Variants in HS3ST2 observed in about 807,000 individuals in gnomAD.
HS3ST2 encodes heparan sulfate glucosamine 3-O-sulfotransferase 2.
In HS3ST2, 17 loss-of-function variants were observed where a neutral mutation model predicts 26.3. The observed-to-expected ratio is 0.65, with a 90% confidence interval of 0.44 to 0.97. HS3ST2 has a LOEUF of 0.97. Ranked by LOEUF, HS3ST2 falls within the 50% of genes least tolerant of loss-of-function variation. HS3ST2 has a pLI of 0.00. For synonymous variants in HS3ST2, 237 were observed against 219.2 expected (o/e 1.08, Z -0.72); for missense variants, 402 against 501.2 (o/e 0.80, Z 1.89).
chr16:22,817,489 G>C (rs1194552849), intron 1 of HS3ST2, among the ~76,000 whole-genome samples: 1 of 152,190 alleles, frequency 6.6e-6, no homozygotes, highest in Non-Finnish European at 1.5e-5. Context: ...TGTATGTAAA[G>C]AACATTTTTG....
intron 1 of HS3ST2, among the ~76,000 whole-genome samples, chr16:22,888,828 C>A (rs1047319220): frequency 2.0e-5 from 3 of 152,188 alleles, no homozygotes; most frequent in Admixed American, 6.5e-5. Context: ...AACTGAGGCA[C>A]TCTTGCACTC....
chr16:22,814,921 C>A lies in HS3ST2; in HGVS notation c.311C>A (p.Ser104Tyr). Residue 104 changes from serine (S) to tyrosine (Y), a missense_variant, in exon 1 of 2, where the codon TCC (serine) becomes TAC (tyrosine). Around this residue, in one of 2 missense-constraint regions of HS3ST2, gnomAD observed 165 missense variants for 154.6 expected, o/e 1.07. Coordinates refer to ENST00000261374, the MANE Select transcript of HS3ST2 (RefSeq NM_006043.2). ...PAPRLSGSNH[S>Y]GSPKLGTKRL... is the part of the protein sequence containing the mutation. Reference sequence around the variant, plus strand: ...CCTCGCCTCTCCGGTTCCAACCACTCCGGCTCACCCAAGCTGGGTACCAAG... The same window carrying A: ...CCTCGCCTCTCCGGTTCCAACCACTACGGCTCACCCAAGCTGGGTACCAAG... 1 of 1,600,194 alleles carries A rather than the reference C, an allele frequency of 6.2e-7. No homozygotes were observed. Among genetic ancestry groups the A allele is most frequent in the Non-Finnish European group, 8.5e-7 (1 of 1,174,012 alleles).
intron 1 of HS3ST2, among the ~76,000 whole-genome samples, chr16:22,875,473 C>T (rs1222190099): frequency 2.6e-5 from 4 of 152,046 alleles, no homozygotes; most frequent in African/African-American, 9.7e-5. Context: ...TTCCACCTCC[C>T]GGGTTCAAGT....
At position 22,872,655 on chromosome 16, in the gene HS3ST2, C is replaced by T. The variant is rs113994516; in HGVS notation, c.486-42289C>T. ...ACTCATCTGTTACCTGCCTGGCCCA[C>T]GTAAGTACCTCAACCAGCAACTCTG... is the stretch of plus-strand genomic sequence containing the variant. On this transcript the variant is annotated intron_variant, in intron 1 of 1. Coordinates refer to ENST00000261374, the MANE Select transcript of HS3ST2 (RefSeq NM_006043.2). Among the ~76,000 whole-genome samples the T allele has an allele frequency of 2.7e-3, 412 of 152,222 alleles. 2 individuals are homozygous for T. Among genetic ancestry groups the T allele is most frequent in the African/African-American group, 8.8e-3 (365 of 41,556 alleles).
intron 1 of HS3ST2, among the ~76,000 whole-genome samples, chr16:22,859,859 G>A (rs1030542250): frequency 6.6e-6 from 1 of 152,186 alleles, no homozygotes; most frequent in African/African-American, 2.4e-5. Context: ...GGGGATTTCT[G>A]ACTTGGGCAT....
At chr16:22,862,580 T>A (rs1427192163) in intron 1 of HS3ST2, among the ~76,000 whole-genome samples, 2 of 152,226 alleles carry the variant, frequency 1.3e-5, no homozygotes, top group Non-Finnish European at 2.9e-5. Flanking sequence ...CTGTAGCTTC[T>A]ACTGCTGTCC....
rs775997387 is a variant in HS3ST2, at chr16:22,814,777, T to C, written c.167T>C (p.Leu56Pro). The C allele has an allele frequency of 3.7e-6, 6 of 1,602,434 alleles. No individual in the cohort carries two copies. The highest frequency in any genetic ancestry group is 5.1e-6 in the Non-Finnish European group (6 of 1,175,930). Reference protein sequence around the residue: ...RSRLLGAPRCLRGPSAGGQKL... With the variant: ...RSRLLGAPRCPRGPSAGGQKL... ...CGCCTCCTCGGCGCGCCTCGCTGCC[T>C]CCGCGGCCCCAGCGCGGGCGGCCAG... Residue 56 changes from leucine to proline, a missense_variant, in exon 1 of 2, where the codon CTC (leucine) becomes CCC (proline). By Grantham distance (98) the Leu-to-Pro change is moderately conservative (BLOSUM62 -3). Around this residue, in one of 2 missense-constraint regions of HS3ST2, gnomAD observed 165 missense variants for 154.6 expected, o/e 1.07. Coordinates refer to ENST00000261374, the MANE Select transcript of HS3ST2 (RefSeq NM_006043.2).
chr16:22,854,962 T>A (rs1901568823), intron 1 of HS3ST2, among the ~76,000 whole-genome samples: 1 of 152,230 alleles, frequency 6.6e-6, no homozygotes, highest in Non-Finnish European at 1.5e-5. Context: ...TTAAATGGTT[T>A]AATTTCTTTC....
chr16:22,826,485 T>C (rs1049716510), intron 1 of HS3ST2, among the ~76,000 whole-genome samples: 22 of 152,214 alleles, frequency 1.4e-4, no homozygotes, highest in African/African-American at 5.1e-4. Context: ...CTTTATTTAC[T>C]TCTTACTTCT....
At chr16:22,865,582 AC>A in intron 1 of HS3ST2, among the ~76,000 whole-genome samples, 1 of 152,146 alleles carries the variant, frequency 6.6e-6, no homozygotes, top group Non-Finnish European at 1.5e-5. Flanking sequence ...GTGCTGCTAG[AC>A]CCAGAGATTT....
At chr16:22,914,884 G>C in intron 1 of HS3ST2, 60 bp from the exon 2 acceptor site, 2 of 1,531,628 alleles carry the variant, frequency 1.3e-6, no homozygotes, top group South Asian at 1.3e-5. Context: ...TGATGTAGCT[G>C]GGCCTGAGGC....
intron 1 of HS3ST2, among the ~76,000 whole-genome samples, chr16:22,859,839 C>T (rs1901650065): frequency 6.6e-6 from 1 of 152,154 alleles, no homozygotes; most frequent in African/African-American, 2.4e-5. Context: ...CTGGTCTGGA[C>T]CTGGTCCGAG....
At chr16:22,823,001 T>C (rs1462468811) in intron 1 of HS3ST2, among the ~76,000 whole-genome samples, 1 of 152,216 alleles carries the variant, frequency 6.6e-6, no homozygotes, top group African/African-American at 2.4e-5. Context: ...CAACCATAGG[T>C]ACCTGTTTTT....
chr16:22,824,445 G>C (rs1234593785), intron 1 of HS3ST2, among the ~76,000 whole-genome samples: 1 of 152,154 alleles, frequency 6.6e-6, no homozygotes, highest in Non-Finnish European at 1.5e-5. Context: ...TACTCAGGAG[G>C]CTGAGGCAAG....
intron 1 of HS3ST2, among the ~76,000 whole-genome samples, chr16:22,825,900 G>C (rs532648331): frequency 2.0e-5 from 3 of 152,302 alleles, no homozygotes; most frequent in African/African-American, 7.2e-5. Context: ...GCGTGCGCCT[G>C]TATTCCCAGC....
At chr16:22,846,182 C>A (rs1229193142) in intron 1 of HS3ST2, among the ~76,000 whole-genome samples, 2 of 151,626 alleles carry the variant, frequency 1.3e-5, no homozygotes, top group Non-Finnish European at 2.9e-5. Flanking sequence ...GAGGCTGAGG[C>A]AGGAGAATTG....
intron 1 of HS3ST2, among the ~76,000 whole-genome samples, chr16:22,904,967 C>T (rs1024668153): frequency 1.3e-5 from 2 of 152,162 alleles, no homozygotes; most frequent in Non-Finnish European, 2.9e-5. Flanking sequence ...CCACATGGCT[C>T]AGTGTGTGGG....
chr16:22,815,585 G>A (rs1049266346), intron 1 of HS3ST2, among the ~76,000 whole-genome samples: 1 of 152,134 alleles, frequency 6.6e-6, no homozygotes, highest in African/African-American at 2.4e-5. Flanking sequence ...ACAGTGCATC[G>A]CCAGAGGTCT....
chr16:22,878,609 T>C (rs1209904261), intron 1 of HS3ST2, among the ~76,000 whole-genome samples: 3 of 144,442 alleles, frequency 2.1e-5, no homozygotes, highest in Non-Finnish European at 4.5e-5. Flanking sequence ...CCTAACAGGG[T>C]CAAAAAAAAA....
Sources: gnomAD v4.1 joint callset for allele counts (sites outside exome capture counted in the v4.1 genomes callset) on GRCh38, gnomAD v4.1.1 for gene constraint, gnomAD v4.1.1 regional missense constraint, MANE v1.5 for transcripts, NCBI Gene and HGNC (gene_info 2026-07-23, HGNC 2026-07-21) for gene names.